GPR174: variants seen among roughly 807,000 people sequenced by gnomAD.
GPR174 encodes the protein G protein-coupled receptor 174.
GPR174 carries 8 observed loss-of-function variants against 16.5 expected under a neutral mutation model. That is an observed-to-expected ratio of 0.48 (90% confidence interval 0.28 to 0.87). The LOEUF (loss-of-function observed/expected upper bound fraction) is 0.87. GPR174 is among the 40% of genes least tolerant of loss of function. The pLI is 0.09. For synonymous variants in GPR174, 111 were observed against 94.8 expected (o/e 1.17, Z -0.99); for missense variants, 214 against 247.5 (o/e 0.86, Z 0.91).
chrX:79,160,574 G>T lies in GPR174; in HGVS notation c.-557+3656G>T, dbSNP rs577714386. On this transcript the variant is annotated intron_variant, in intron 2 of 2. Coordinates refer to ENST00000645147, the MANE Select transcript of GPR174 (RefSeq NM_032553.3). ...TTGGGTAACTTTTCTCAGATTTAGA[G>T]GTTCCAAATGAAGATTACTACTCAT... 3.1e-4 allele frequency among the ~76,000 whole-genome samples: 35 copies of T among 111,780 alleles called. No homozygotes were observed. In the South Asian group the frequency reaches 0.013, roughly 41 times the overall value.
At chrX:79,150,460 CT>C (rs1381078064) in intron 1 of GPR174, among the ~76,000 whole-genome samples, 1 of 111,691 alleles carries the variant, frequency 9.0e-6, no homozygotes, top group Non-Finnish European at 1.9e-5. Flanking sequence ...TATGATGTTG[CT>C]TTGAAAATTT....
chrX:79,162,416 A>T (rs1921257338), intron 2 of GPR174, among the ~76,000 whole-genome samples: 1 of 112,166 alleles, frequency 8.9e-6, no homozygotes, highest in African/African-American at 3.2e-5. Context: ...TTTAAAAAAA[A>T]GGTTTTAAAA....
Position 79,171,110 on chromosome X carries a change from A to T in GPR174, c.103A>T (p.Ile35Leu), listed in dbSNP as rs1313317832. 1 of 1,206,577 alleles carries T rather than the reference A, an allele frequency of 8.3e-7. No individual in the cohort carries two copies. Among genetic ancestry groups the T allele is most frequent in the African/African-American group, 1.7e-5 (1 of 57,198 alleles). Reference sequence around the variant, plus strand: ...CACTGTCATTCTTGTGCCAGGTCTCATAGGGAATATATTAGCCCTGTGGGT... The same window carrying T: ...CACTGTCATTCTTGTGCCAGGTCTCTTAGGGAATATATTAGCCCTGTGGGT... Reference protein sequence around the residue: ...TYTVILVPGLIGNILALWVFY... With the variant: ...TYTVILVPGLLGNILALWVFY... Residue 35 changes from isoleucine (I) to leucine (L), a missense_variant, in exon 3 of 3, where the codon ATA becomes TTA. Transcript: ENST00000645147.
In GPR174 at chrX:79,172,653, A is replaced by G. The variant is rs372043783; in HGVS notation, c.*644A>G. 25 of 112,153 alleles carry G rather than the reference A, an allele frequency of 2.2e-4. No individual in the cohort carries two copies. Among genetic ancestry groups the G allele is most frequent in the African/African-American group, 8.1e-4 (25 of 30,875 alleles). 9.2% of individuals were successfully genotyped at this position (112,153 alleles called of 1,213,427 possible). On this transcript the variant is annotated 3_prime_UTR_variant, in exon 3 of 3. Coordinates refer to ENST00000645147, the MANE Select transcript of GPR174 (RefSeq NM_032553.3). ...GAAAATCTGAACTCAGGCCTCTGGC[A>G]TATTTAAACTAAGAACAATATACAT...
chrX:79,174,765 T>C lies in GPR174; in HGVS notation c.*2756T>C, dbSNP rs936660193. 13 of 110,672 alleles carry C rather than the reference T, an allele frequency of 1.2e-4. No individual in the cohort carries two copies. The highest frequency in any genetic ancestry group is 4.3e-4 in the African/African-American group (13 of 30,066). 9.1% of individuals were successfully genotyped at this position (110,672 alleles called of 1,213,427 possible). The stretch of plus-strand genomic sequence containing the variant: ...AACTAGTAGCTTACTAATTTAGGAG[T>C]ACTGGTGCAGCTACGATCCAGACAG... On this transcript the variant is annotated 3_prime_UTR_variant, in exon 3 of 3. Transcript: ENST00000645147.
intron 1 of GPR174, among the ~76,000 whole-genome samples, chrX:79,150,767 A>C (rs1418811064): frequency 8.9e-6 from 1 of 112,073 alleles, no homozygotes; most frequent in African/African-American, 3.2e-5. Context: ...AAGCATAATG[A>C]CTTTATTTTC....
In GPR174 at chrX:79,173,201, C is replaced by G. The variant is rs369906434; in HGVS notation, c.*1192C>G. 1.8e-5 allele frequency: 2 copies of G among 110,936 alleles called. No homozygotes were observed. Among genetic ancestry groups the G allele is most frequent in the African/African-American group, 6.6e-5 (2 of 30,410 alleles). The allele number at this position is 110,936 out of a possible 1,213,427, so 9.1% of individuals were successfully genotyped here. On this transcript the variant is annotated 3_prime_UTR_variant, in exon 3 of 3. Transcript: ENST00000645147. ...TGATTTTTTTTGGTCTAGCTTTGCCCCAGACATACCATTCTAAAGCCTACA... is the reference window on the plus strand; with the variant it reads ...TGATTTTTTTTGGTCTAGCTTTGCCGCAGACATACCATTCTAAAGCCTACA...
intron 1 of GPR174, among the ~76,000 whole-genome samples, chrX:79,147,346 C>T (rs1426351047): frequency 9.1e-6 from 1 of 109,643 alleles, no homozygotes; most frequent in African/African-American, 3.3e-5. Context: ...CATTGGGAAA[C>T]ATTAAAAGAT....
Position 79,167,459 on chromosome X carries a change from CT to C in GPR174, c.-556-2980del, listed in dbSNP as rs78546778. ...AGCAGTGTAAGAATATGCAGCCTAA[CT>C]TTTTTTTTTTTTCCAGTGGGTGGTA... is the stretch of plus-strand genomic sequence containing the variant. On this transcript the variant is annotated intron_variant, in intron 2 of 2. Transcript: ENST00000645147. 5.1e-3 allele frequency among the ~76,000 whole-genome samples: 530 copies of C among 104,280 alleles called. 5 individuals carry two copies. The highest frequency in any genetic ancestry group is 7.7e-3 in the East Asian group (26 of 3,394). The allele number at this position is 104,280 out of a possible 115,157, so 90.6% of individuals were successfully genotyped here.
chrX:79,150,313 C>T (rs1926576811), intron 1 of GPR174, among the ~76,000 whole-genome samples: 2 of 111,346 alleles, frequency 1.8e-5, no homozygotes, highest in Non-Finnish European at 3.8e-5. Flanking sequence ...TTCTTGAATA[C>T]AATACATAGA....
Position 79,166,432 on chromosome X carries a change from C to CTTTTTTTTTTTTTTTTTTTTTT in GPR174, c.-556-4015_-556-3994dup, listed in dbSNP as rs1174620976. Among the ~76,000 whole-genome samples the CTTTTTTTTTTTTTTTTTTTTTT allele has an allele frequency of 1.3e-3, 56 of 43,628 alleles. 1 individual carries two copies. The highest frequency in any genetic ancestry group is 2.5e-3 in the East Asian group (3 of 1,182). The allele number at this position is 43,628 out of a possible 115,157, so 37.9% of individuals were successfully genotyped here. On this transcript the variant is annotated intron_variant, in intron 2 of 2. Coordinates refer to ENST00000645147, the MANE Select transcript of GPR174 (RefSeq NM_032553.3). ...GGATCTTTTTTTTCTTTTCTTTTTT[C>CTTTTTTTTTTTTTTTTTTTTTT]TTTTTTTTTTTTTTTTTTTTTTTTT...
intron 2 of GPR174, among the ~76,000 whole-genome samples, chrX:79,161,001 T>G: frequency 8.9e-6 from 1 of 112,051 alleles, no homozygotes; most frequent in Middle Eastern, 4.6e-3. Context: ...TACAGATAAA[T>G]AGATAGTTAA....
chrX:79,164,192 G>T (rs779390210), intron 2 of GPR174, among the ~76,000 whole-genome samples: 2 of 111,024 alleles, frequency 1.8e-5, no homozygotes, highest in East Asian at 5.7e-4. Context: ...GTTAATCTAG[G>T]AATCTCTCCC....
intron 1 of GPR174, among the ~76,000 whole-genome samples, chrX:79,149,842 C>T (rs1423909623): frequency 4.4e-5 from 3 of 68,179 alleles, no homozygotes; most frequent in Non-Finnish European, 9.4e-5. Context: ...TTTTTTTTGC[C>T]ATGAAATTTG....
chrX:79,154,487 C>A (rs1401489668), intron 1 of GPR174, among the ~76,000 whole-genome samples: 1 of 111,599 alleles, frequency 9.0e-6, no homozygotes, highest in Non-Finnish European at 1.9e-5. Context: ...GAAAAGTCTG[C>A]TTAGGACTAT....
chrX:79,145,246 G>T (rs1926477142), intron 1 of GPR174, 29 bp downstream of exon 1: 1 of 110,274 alleles, frequency 9.1e-6, no homozygotes, highest in African/African-American at 3.3e-5. Context: ...TGCATAATTA[G>T]CTCTCGTCTG....
intron 1 of GPR174, among the ~76,000 whole-genome samples, chrX:79,152,362 A>AGTTATAGAATGCCT (rs201689059): frequency 9.1e-6 from 1 of 109,930 alleles, no homozygotes; most frequent in East Asian, 2.8e-4. Context: ...AAGGACTTGG[A>AGTTATAGAATGCCT]GTTCTTGTTT....
chrX:79,166,442 T>C (rs1015445177), intron 2 of GPR174, among the ~76,000 whole-genome samples: 2 of 75,061 alleles, frequency 2.7e-5, no homozygotes, highest in Non-Finnish European at 5.0e-5. Flanking sequence ...CTTTTTTTTT[T>C]TTTTTTTTTT....
At chrX:79,165,936 A>G (rs929244126) in intron 2 of GPR174, among the ~76,000 whole-genome samples, 1 of 111,669 alleles carries the variant, frequency 9.0e-6, no homozygotes, top group Non-Finnish European at 1.9e-5. Context: ...TCTTGTCCAA[A>G]TGTTCATGTT....
Sources: gnomAD v4.1 joint callset for allele counts (sites outside exome capture counted in the v4.1 genomes callset) on GRCh38, gnomAD v4.1.1 for gene constraint, MANE v1.5 for transcripts, NCBI Gene and HGNC (gene_info 2026-07-23, HGNC 2026-07-21) for gene names.